SPINK9: variants seen among roughly 807,000 people sequenced by gnomAD.
SPINK9 encodes serine protease inhibitor Kazal-type 9.
SPINK9 carries 3 observed loss-of-function variants against 10.8 expected under a neutral mutation model. That is an observed-to-expected ratio of 0.28 (90% CI 0.13 to 0.72). The LOEUF (loss-of-function observed/expected upper bound fraction) is 0.72, where lower values mean the gene tolerates loss of function less well. Among genes scored for constraint, SPINK9 ranks in the 30% least tolerant of loss-of-function variants. The probability of loss-of-function intolerance (pLI) is 0.74; values close to 1 mark genes in which losing one functional copy is unlikely to be tolerated. For missense variants in SPINK9, 101 were observed against 103.2 expected (o/e 0.98, Z 0.09); for synonymous variants, 30 against 31.2 (o/e 0.96, Z 0.12).
chr5:148,328,683 A>G (rs889277281), intron 2 of SPINK9, among the ~76,000 whole-genome samples: 10 of 152,126 alleles, frequency 6.6e-5, no homozygotes, highest in Non-Finnish European at 1.0e-4. Flanking sequence ...TCCCATCAAT[A>G]CCTAATTTAT....
chr5:148,337,420 A>G (rs1236540833), intron 2 of SPINK9, among the ~76,000 whole-genome samples: 2 of 152,166 alleles, frequency 1.3e-5, no homozygotes, highest in Non-Finnish European at 2.9e-5. Context: ...GAATGAATGA[A>G]TTAATTAATG....
At chr5:148,331,588 G>A (rs181693917), upstream of SPINK9, among the ~76,000 whole-genome samples, 5 of 152,174 alleles carry the variant, frequency 3.3e-5, no homozygotes, top group East Asian at 3.9e-4. Context: ...TAATAATAAC[G>A]TATTCTATAT....
chr5:148,332,607 T>C (rs1757165024), upstream of SPINK9, among the ~76,000 whole-genome samples: 1 of 152,234 alleles, frequency 6.6e-6, no homozygotes, highest in Admixed American at 6.5e-5. Flanking sequence ...TTGAAATATT[T>C]CTCAAGAACA....
At chr5:148,337,259 C>T (rs534499469) in intron 2 of SPINK9, among the ~76,000 whole-genome samples, 165 of 152,208 alleles carry the variant, frequency 1.1e-3, no homozygotes, top group African/African-American at 3.8e-3. Flanking sequence ...AGTGAAATCA[C>T]GCTGGCATAT....
intron 2 of SPINK9, 95 bp downstream of exon 2, chr5:148,336,548 A>G (rs1757220261): frequency 7.6e-6 from 10 of 1,308,802 alleles, no homozygotes; most frequent in Non-Finnish European, 1.1e-5. Flanking sequence ...TATATGTTTG[A>G]ATATTTACTT....
At chr5:148,327,705 G>A (rs1337819266) in intron 2 of SPINK9, among the ~76,000 whole-genome samples, 1 of 151,184 alleles carries the variant, frequency 6.6e-6, no homozygotes, top group Non-Finnish European at 1.5e-5. Context: ...AAGGGATCCA[G>A]TTTCAGCTTT....
Position 148,339,820 on chromosome 5 carries a change from T to A in SPINK9, c.*108T>A. The A allele has an allele frequency of 1.1e-6, 1 of 887,696 alleles. No individual in the cohort carries two copies. The highest frequency in any genetic ancestry group is 1.8e-6 in the Non-Finnish European group (1 of 564,048). 55.0% of individuals were successfully genotyped at this position (887,696 alleles called of 1,614,324 possible). On this transcript the variant is annotated 3_prime_UTR_variant, in exon 4 of 4. Transcript: ENST00000377906. ...TTGCCTACTCATCACCATATGTAGA[T>A]TTCTTTGTAGAATAAAGCAGATATA...
At chr5:148,328,807 A>G (rs920577207) in intron 2 of SPINK9, among the ~76,000 whole-genome samples, 34 of 152,180 alleles carry the variant, frequency 2.2e-4, no homozygotes, top group African/African-American at 7.7e-4. Context: ...GATTACATTT[A>G]TTGACTTGTG....
exon 2 of SPINK9, chr5:148,323,793 A>T (rs1428040666): frequency 2.9e-6 from 2 of 700,112 alleles, no homozygotes; most frequent in African/African-American, 1.8e-5. Context: ...TCATTATAAA[A>T]CTCCACCAAG....
Position 148,339,707 on chromosome 5 carries a change from T to C in SPINK9, c.256T>C (p.Cys86Arg). The C allele has an allele frequency of 2.5e-6, 4 of 1,612,024 alleles. No individual in the cohort carries two copies. The highest frequency in any genetic ancestry group is 3.4e-6 in the Non-Finnish European group (4 of 1,178,646). ...ACTTAAATTTGTACATTTTGGAAAA[T>C]GTTAAATCTATCTTGTGAGTCCAAA... ...GTLKFVHFGKC is the reference protein window; with the variant it reads ...GTLKFVHFGKR The change falls in exon 4 of 4, where the codon TGT (cysteine) becomes CGT (arginine). Residue 86 changes from cysteine (C) to arginine (R), a missense_variant. By Grantham distance (180) the Cys-to-Arg change is radical. Coordinates refer to ENST00000377906, the MANE Select transcript of SPINK9 (RefSeq NM_001040433.2).
chr5:148,327,294 G>A (rs928813066), intron 2 of SPINK9, among the ~76,000 whole-genome samples: 11 of 152,082 alleles, frequency 7.2e-5, no homozygotes, highest in East Asian at 1.9e-4. Context: ...TTTTTTGGCC[G>A]CATAAATGTC....
At chr5:148,326,143 A>T (rs181901459) in intron 2 of SPINK9, among the ~76,000 whole-genome samples, 1 of 152,210 alleles carries the variant, frequency 6.6e-6, no homozygotes, top group African/African-American at 2.4e-5. Flanking sequence ...TATATGAAAA[A>T]ATGCTCAACA....
At chr5:148,326,895 T>G (rs200046943) in intron 2 of SPINK9, among the ~76,000 whole-genome samples, 19,425 of 151,888 alleles carry the variant, frequency 0.13, 1,289 homozygotes, top group Middle Eastern at 0.16. Flanking sequence ...TGCCACATTT[T>G]CTTAATCCAG....
intron 2 of SPINK9, among the ~76,000 whole-genome samples, chr5:148,329,077 T>C (rs1369319256): frequency 6.6e-6 from 1 of 152,228 alleles, no homozygotes; most frequent in African/African-American, 2.4e-5. Context: ...TCAGAAGGAA[T>C]GGTACCAGCT....
At chr5:148,324,335 A>G (rs1444141545) in intron 2 of SPINK9, among the ~76,000 whole-genome samples, 2 of 152,248 alleles carry the variant, frequency 1.3e-5, no homozygotes, top group Admixed American at 6.5e-5. Context: ...ACATAAAATG[A>G]GATATTTACA....
At chr5:148,322,666 T>C (rs1253965188) in intron 1 of SPINK9, among the ~76,000 whole-genome samples, 2 of 152,224 alleles carry the variant, frequency 1.3e-5, no homozygotes, top group Non-Finnish European at 2.9e-5. Flanking sequence ...AAGAACTTTA[T>C]AGTTTACAAA....
At chr5:148,334,966 A>G (rs1234087374), upstream of SPINK9, among the ~76,000 whole-genome samples, 2 of 152,200 alleles carry the variant, frequency 1.3e-5, no homozygotes, top group East Asian at 3.9e-4. Context: ...GCTCTCAGAG[A>G]TAGTATGATG....
intron 3 of SPINK9, 78 bp downstream of exon 3, chr5:148,338,683 G>A: frequency 1.8e-6 from 2 of 1,119,930 alleles, no homozygotes; most frequent in Non-Finnish European, 2.5e-6. Context: ...GTGATGTAGG[G>A]CCTAAGGAAT....
chr5:148,326,165 T>C (rs1757057388), intron 2 of SPINK9, among the ~76,000 whole-genome samples: 2 of 152,134 alleles, frequency 1.3e-5, no homozygotes, highest in South Asian at 4.1e-4. Context: ...CTCTAATTAC[T>C]AGAGAAATGT....
Sources: allele counts gnomAD v4.1 joint callset (sites outside exome capture counted in the v4.1 genomes callset), GRCh38; gene constraint gnomAD v4.1.1; transcripts MANE v1.5; gene names NCBI Gene and HGNC (gene_info 2026-07-23, HGNC 2026-07-21).